The following POU2F2 variants were observed in gnomAD, a reference collection of about 807,000 sequenced individuals.
The protein encoded by POU2F2 is POU domain, class 2, transcription factor 2.
Under a neutral mutation model 63.5 loss-of-function variants are expected in POU2F2, and 14 were observed. The ratio of observed to expected loss-of-function variants is 0.22; its 90% CI spans 0.15 to 0.34. The LOEUF (loss-of-function observed/expected upper bound fraction) is 0.34. Ranked by LOEUF, POU2F2 falls within the 10% of genes least tolerant of loss-of-function variation. The pLI is 1.00. For synonymous variants in POU2F2, 306 were observed against 348.6 expected (o/e 0.88, Z 1.36); for missense variants, 607 against 815.2 (o/e 0.74, Z 3.11).
At chr19:42,124,829 G>T (rs1034221273) in intron 1 of POU2F2, among the ~76,000 whole-genome samples, 1 of 152,214 alleles carries the variant, frequency 6.6e-6, no homozygotes, top group Admixed American at 6.5e-5. Context: ...CATAATTTAT[G>T]ATTCCAATTA....
In POU2F2 at chr19:42,099,530, T is replaced by C. The variant is rs1224343466; in HGVS notation, c.564A>G (p.Thr188=). Reference sequence around the variant, plus strand: ...TGCACTCAATGGACAGTCTCACCTGTGTGGGAAGCCCGGCCCGGGGCTGGG... The same window carrying C: ...TGCACTCAATGGACAGTCTCACCTGCGTGGGAAGCCCGGCCCGGGGCTGGG... ...LTSQPRAGLP[T]QAVTRPTLPD... Residue 188 remains threonine, a synonymous_variant, in exon 7 of 15, where the codon ACA becomes ACG. Coordinates refer to ENST00000692977, the MANE Select transcript of POU2F2 (RefSeq NM_001394376.1). 6.8e-6 allele frequency: 11 copies of C among 1,608,862 alleles called. No homozygotes were observed. Among genetic ancestry groups the C allele is most frequent in the East Asian group, 2.2e-5 (1 of 44,850 alleles).
chr19:42,126,768 C>T (rs1228258497), intron 1 of POU2F2, among the ~76,000 whole-genome samples: 2 of 152,180 alleles, frequency 1.3e-5, no homozygotes, highest in African/African-American at 4.8e-5. Flanking sequence ...CCCCACAAGA[C>T]CAATGCGACA....
rs903491117 is a variant in POU2F2, at chr19:42,162,942, A to G, written c.-69-2550T>C. On this transcript the variant is annotated intron_variant, in intron 1 of 6. Coordinates refer to the POU2F2 transcript ENST00000524801. This position sits in a 1 kb window ranked among gnomAD's most constrained non-coding sequence, Gnocchi z 4.1. ...GCTGGTCATGCACCAGGGGTGGGTC[A>G]TTGCTCTGCAGGTGTGATCTCTCAG... 6.6e-6 allele frequency among the ~76,000 whole-genome samples: 1 copy of G among 152,114 alleles called. No individual in the cohort carries two copies. Among genetic ancestry groups the G allele is most frequent in the Admixed American group, 6.5e-5 (1 of 15,268 alleles).
At chr19:42,157,934 G>GT (rs924340872) in intron 2 of POU2F2, among the ~76,000 whole-genome samples, 6 of 152,258 alleles carry the variant, frequency 3.9e-5, no homozygotes, top group African/African-American at 1.4e-4. Flanking sequence ...CTGGGAGGGG[G>GT]TCTCTCACTC....
At chr19:42,132,799 A>G (rs908406704), upstream of POU2F2, 3 of 222,348 alleles carry the variant, frequency 1.3e-5, no homozygotes, top group African/African-American at 6.8e-5. Context: ...AACACTAGCC[A>G]GCAGCTTATT....
intron 1 of POU2F2, among the ~76,000 whole-genome samples, chr19:42,191,204 C>G (rs1473552937): frequency 6.6e-6 from 1 of 152,116 alleles, no homozygotes; most frequent in African/African-American, 2.4e-5. Context: ...ATCATCGGAC[C>G]CCCCCTTGCT....
chr19:42,148,825 A>C (rs1685062989), intron 2 of POU2F2, among the ~76,000 whole-genome samples: 1 of 150,780 alleles, frequency 6.6e-6, no homozygotes, highest in African/African-American at 2.4e-5. Context: ...GCAAGCAATG[A>C]ACCAGACACC....
At chr19:42,112,465 G>A (rs1161254144) in intron 5 of POU2F2, among the ~76,000 whole-genome samples, 2 of 152,200 alleles carry the variant, frequency 1.3e-5, no homozygotes, top group African/African-American at 4.8e-5. Context: ...CACCTCCTGG[G>A]TTCAAGCAAT....
chr19:42,185,001 T>C (rs778842259), intron 1 of POU2F2, among the ~76,000 whole-genome samples: 6 of 152,308 alleles, frequency 3.9e-5, no homozygotes, highest in Middle Eastern at 3.4e-3. Flanking sequence ...CCCATGGTGA[T>C]ACTCCATCCA....
intron 2 of POU2F2, among the ~76,000 whole-genome samples, chr19:42,160,139 G>C (rs2034526838): frequency 6.6e-6 from 1 of 152,098 alleles, no homozygotes; most frequent in Non-Finnish European, 1.5e-5. Flanking sequence ...AGAACCACTG[G>C]TTTGGCCCGA....
intron 1 of POU2F2, among the ~76,000 whole-genome samples, chr19:42,174,677 CA>C (rs2034838520): frequency 6.6e-6 from 1 of 152,064 alleles, no homozygotes; most frequent in African/African-American, 2.4e-5. Context: ...CATCTCACCA[CA>C]CATGCAGGCC....
rs1191066020 is a variant in POU2F2, at chr19:42,088,685, G to C, written c.*2572C>G. The C allele has an allele frequency of 2.6e-5, 4 of 152,518 alleles. No homozygotes were observed. The East Asian group carries it at 5.8e-4, about 22-fold the overall frequency. The allele number at this position is 152,518 out of a possible 1,614,324, so 9.4% of individuals were successfully genotyped here. On this transcript the variant is annotated 3_prime_UTR_variant, in exon 15 of 15. Coordinates refer to ENST00000692977, the MANE Select transcript of POU2F2 (RefSeq NM_001394376.1). The stretch of plus-strand genomic sequence containing the variant: ...TGGCCCCCTCTCCACCCTTGGGCTG[G>C]GGCCCAAGCCCTCTTGCCAGTCCCT...
chr19:42,103,084 C>T (rs1447149822), intron 5 of POU2F2, among the ~76,000 whole-genome samples: 2 of 151,874 alleles, frequency 1.3e-5, no homozygotes, highest in African/African-American at 2.4e-5. Context: ...TTATACATGC[C>T]GTTCCCTCTC....
rs1337619010 is a variant in POU2F2 at position 42,092,072 on chromosome 19, G to A, written c.1463C>T (p.Thr488Met). ...AIGLSGLNPS[T>M]GSTMVGLSSG... ...CTTCCCACGTGCACCCACTTACCCCGTGCTGGGGTTCAGGCCTGACAAGCC... is the reference window on the plus strand; with the variant it reads ...CTTCCCACGTGCACCCACTTACCCCATGCTGGGGTTCAGGCCTGACAAGCC... The change falls in exon 13 of 15, where the codon ACG (threonine) becomes ATG (methionine). Residue 488 changes from threonine to methionine, a missense_variant. This residue lies in a region of POU2F2 where 270 missense variants were observed against 307.5 expected (regional missense o/e 0.88). Transcript: ENST00000692977. The surrounding 1 kb of genome is among the most constrained non-coding windows in gnomAD (Gnocchi z 5.0). 8.1e-6 allele frequency: 13 copies of A among 1,597,998 alleles called. No individual in the cohort carries two copies. The highest frequency in any genetic ancestry group is 2.3e-5 in the South Asian group (2 of 87,962).
At chr19:42,112,508 T>C (rs913733531) in intron 5 of POU2F2, among the ~76,000 whole-genome samples, 1 of 152,204 alleles carries the variant, frequency 6.6e-6, no homozygotes, top group African/African-American at 2.4e-5. Context: ...TAGCTAGGAT[T>C]ACAGGCGCAT....
chr19:42,094,883 C>T (rs2076859542), intron 11 of POU2F2, among the ~76,000 whole-genome samples: 1 of 152,142 alleles, frequency 6.6e-6, no homozygotes, highest in Admixed American at 6.5e-5. Context: ...ATCAAGTGGG[C>T]CTGTGTATAG....
In POU2F2 at chr19:42,086,744, TACTG is replaced by T. The variant is rs1599887563; in HGVS notation, c.*4509_*4512del. The T allele has an allele frequency of 2.0e-5, 3 of 151,576 alleles. No homozygotes were observed. The highest frequency in any genetic ancestry group is 7.3e-5 in the African/African-American group (3 of 41,182). 9.4% of individuals were successfully genotyped at this position (151,576 alleles called of 1,614,324 possible). A position where few individuals can be genotyped will look rare whatever the true frequency, so the allele number is the denominator to read the frequency against. On this transcript the variant is annotated 3_prime_UTR_variant, in exon 15 of 15. Transcript: ENST00000692977. ...CCCTGCAATTATATAAATAAATAAATACTGAGCCCCTGGGTTTGGGGGACATATT... is the reference window on the plus strand; with the variant it reads ...CCCTGCAATTATATAAATAAATAAATAGCCCCTGGGTTTGGGGGACATATT...
chr19:42,145,549 A>T (rs2034213253), intron 2 of POU2F2, among the ~76,000 whole-genome samples: 1 of 152,260 alleles, frequency 6.6e-6, no homozygotes, highest in Non-Finnish European at 1.5e-5. Context: ...AAGGAAAGTG[A>T]GGGATCAAGG....
intron 2 of POU2F2, among the ~76,000 whole-genome samples, chr19:42,154,105 C>T (rs2034412222): frequency 6.6e-6 from 1 of 151,356 alleles, no homozygotes; most frequent in Admixed American, 6.6e-5. Context: ...GCTCCCCCCG[C>T]CCTCCCCCCA....
Sources: allele counts gnomAD v4.1 joint callset (sites outside exome capture counted in the v4.1 genomes callset), GRCh38; gene constraint gnomAD v4.1.1; regional missense constraint gnomAD v4.1.1; non-coding constraint Gnocchi (gnomAD v3.1); transcripts MANE v1.5; gene names NCBI Gene and HGNC (gene_info 2026-07-23, HGNC 2026-07-21).